DGKB: variants seen among roughly 807,000 people sequenced by gnomAD.
DGKB encodes 90 kDa diacylglycerol kinase.
Under a neutral mutation model 114.3 loss-of-function variants are expected in DGKB, and 67 were observed. The observed-to-expected ratio is 0.59, with a 90% CI of 0.48 to 0.72. DGKB has a LOEUF of 0.72. DGKB is among the 30% of genes least tolerant of loss of function. DGKB has a pLI of 0.00. For missense variants in DGKB, 907 were observed against 975.2 expected (o/e 0.93, Z 0.93); for synonymous variants, 398 against 323.1 (o/e 1.23, Z -2.49).
intron 1 of DGKB, among the ~76,000 whole-genome samples, chr7:14,894,276 TCAAA>T (rs1781756567): frequency 6.6e-6 from 1 of 151,440 alleles, no homozygotes; most frequent in Non-Finnish European, 1.5e-5. Context: ...TTAGCATTCC[TCAAA>T]CAGTCTTTCT....
At chr7:14,648,100 G>T (rs911958712) in intron 13 of DGKB, among the ~76,000 whole-genome samples, 1 of 152,206 alleles carries the variant, frequency 6.6e-6, no homozygotes, top group Admixed American at 6.5e-5. Flanking sequence ...GCTTGATTAG[G>T]TAAACAAAGC....
chr7:14,241,269 T>A (rs752253660), intron 23 of DGKB, among the ~76,000 whole-genome samples: 21 of 152,106 alleles, frequency 1.4e-4, no homozygotes, highest in Non-Finnish European at 2.6e-4. Context: ...CATTGAGTAG[T>A]CCAAACATAC....
intron 23 of DGKB, among the ~76,000 whole-genome samples, chr7:14,293,500 C>A (rs546175633): frequency 7.9e-5 from 12 of 152,104 alleles, no homozygotes; most frequent in East Asian, 3.9e-4. Flanking sequence ...TTAAAAAAAA[C>A]CACAATGTAA....
chr7:14,180,853 C>T (rs577779246), intron 23 of DGKB, among the ~76,000 whole-genome samples: 3 of 152,130 alleles, frequency 2.0e-5, no homozygotes, highest in African/African-American at 7.2e-5. Flanking sequence ...CCTCACCTCA[C>T]ATTCTAGCTA....
At chr7:14,659,436 G>A (rs1281471363) in intron 13 of DGKB, among the ~76,000 whole-genome samples, 1 of 151,608 alleles carries the variant, frequency 6.6e-6, no homozygotes, top group Non-Finnish European at 1.5e-5. Flanking sequence ...TCTCCTTGAA[G>A]AGGTCCTTCA....
chr7:14,635,682 T>C (rs1026776919), intron 13 of DGKB, among the ~76,000 whole-genome samples: 24 of 151,648 alleles, frequency 1.6e-4, no homozygotes, highest in Non-Finnish European at 4.4e-5. Flanking sequence ...TATTTATGAA[T>C]GTGTATATGT....
intron 23 of DGKB, among the ~76,000 whole-genome samples, chr7:14,238,732 G>A (rs565978219): frequency 6.6e-6 from 1 of 151,954 alleles, no homozygotes; most frequent in Non-Finnish European, 1.5e-5. Context: ...TATGTGGGAT[G>A]TCTGGGTGGT....
At chr7:14,181,622 G>A (rs1378906099) in intron 23 of DGKB, among the ~76,000 whole-genome samples, 6 of 152,208 alleles carry the variant, frequency 3.9e-5, no homozygotes, top group African/African-American at 1.4e-4. Flanking sequence ...TCATAGATAG[G>A]AAGGCAGAAG....
chr7:14,419,361 C>G (rs1190329912), intron 21 of DGKB, among the ~76,000 whole-genome samples: 2 of 151,876 alleles, frequency 1.3e-5, no homozygotes, highest in Non-Finnish European at 2.9e-5. Context: ...TGTAAAGATA[C>G]TTCTGAATAT....
At chr7:14,241,268 G>C (rs575667131) in intron 23 of DGKB, among the ~76,000 whole-genome samples, 6 of 152,192 alleles carry the variant, frequency 3.9e-5, no homozygotes, top group Admixed American at 3.9e-4. Flanking sequence ...ACATTGAGTA[G>C]TCCAAACATA....
At chr7:14,960,344 C>T (rs773193614) in intron 1 of DGKB, among the ~76,000 whole-genome samples, 60 of 151,792 alleles carry the variant, frequency 4.0e-4, no homozygotes, top group Non-Finnish European at 7.2e-4. Flanking sequence ...TACTTGATTA[C>T]AGAAATGAAG....
chr7:14,232,373 GAA>G (rs5882434), intron 23 of DGKB, among the ~76,000 whole-genome samples: 217 of 142,504 alleles, frequency 1.5e-3, no homozygotes, highest in Non-Finnish European at 1.7e-3. Context: ...GTAAGTTAGT[GAA>G]AAAAAAAAAA....
At chr7:14,609,914 C>T (rs1805211191) in intron 16 of DGKB, among the ~76,000 whole-genome samples, 1 of 152,034 alleles carries the variant, frequency 6.6e-6, no homozygotes, top group South Asian at 2.1e-4. Flanking sequence ...TGCCTCTATG[C>T]TGTTGTTGTG....
chr7:14,639,999 G>T (rs1286541360), intron 13 of DGKB, among the ~76,000 whole-genome samples: 1 of 152,170 alleles, frequency 6.6e-6, no homozygotes, highest in African/African-American at 2.4e-5. Context: ...ACATACTTAT[G>T]GTTATGTGAA....
chr7:14,454,306 T>C (rs1563216906), intron 21 of DGKB, among the ~76,000 whole-genome samples: 1 of 152,128 alleles, frequency 6.6e-6, no homozygotes, highest in Non-Finnish European at 1.5e-5. Flanking sequence ...TTCCCTATTT[T>C]AAAAAATCAC....
At chr7:14,958,742 C>T (rs771784399) in intron 1 of DGKB, among the ~76,000 whole-genome samples, 1 of 152,004 alleles carries the variant, frequency 6.6e-6, no homozygotes, top group Non-Finnish European at 1.5e-5. Flanking sequence ...TAACTGTTTT[C>T]ATAAAGCAAG....
intron 1 of DGKB, among the ~76,000 whole-genome samples, chr7:14,967,611 G>A (rs1484485140): frequency 4.8e-4 from 67 of 139,552 alleles, no homozygotes; most frequent in African/African-American, 1.7e-3. Flanking sequence ...GCGAGCCACC[G>A]CGCCCAGCCC....
intron 16 of DGKB, among the ~76,000 whole-genome samples, chr7:14,611,515 A>C (rs1212385347): frequency 2.0e-5 from 3 of 152,162 alleles, no homozygotes; most frequent in Non-Finnish European, 4.4e-5. Context: ...GGTGCCTCTT[A>C]TGCAGGCAGA....
chr7:14,528,433 C>T (rs1409880797), intron 20 of DGKB, among the ~76,000 whole-genome samples: 1 of 152,010 alleles, frequency 6.6e-6, no homozygotes, highest in Non-Finnish European at 1.5e-5. Flanking sequence ...CATTTAAGAA[C>T]AGGGTGACTA....
Sources: allele counts gnomAD v4.1 joint callset (sites outside exome capture counted in the v4.1 genomes callset), GRCh38; gene constraint gnomAD v4.1.1; transcripts MANE v1.5; gene names NCBI Gene and HGNC (gene_info 2026-07-23, HGNC 2026-07-21).